LHFPL6: variants seen among roughly 807,000 people sequenced by gnomAD.
LHFPL6 encodes LHFPL tetraspan subfamily member 6 protein.
Under a neutral mutation model 20.6 loss-of-function variants are expected in LHFPL6, and 9 were observed. The ratio of observed to expected loss-of-function variants is 0.44; its 90% confidence interval spans 0.26 to 0.76. The LOEUF (loss-of-function observed/expected upper bound fraction) is 0.76. Among genes scored for constraint, LHFPL6 ranks in the 30% least tolerant of loss-of-function variants. The pLI is 0.20. For synonymous variants in LHFPL6, 105 were observed against 98.7 expected (o/e 1.06, Z -0.38); for missense variants, 218 against 253.5 (o/e 0.86, Z 0.95).
intron 3 of LHFPL6, among the ~76,000 whole-genome samples, chr13:39,366,471 C>T (rs1015614688): frequency 6.6e-6 from 1 of 152,160 alleles, no homozygotes; most frequent in African/African-American, 2.4e-5. Flanking sequence ...CCGGAATATG[C>T]ACTCGAGTTG....
chr13:39,456,483 T>C (rs942837070), intron 2 of LHFPL6, among the ~76,000 whole-genome samples: 2 of 152,208 alleles, frequency 1.3e-5, no homozygotes, highest in Admixed American at 1.3e-4. Context: ...TATTAATATA[T>C]TGAATACAAC....
chr13:39,528,826 G>A (rs1249964630), intron 2 of LHFPL6, among the ~76,000 whole-genome samples: 1 of 152,040 alleles, frequency 6.6e-6, no homozygotes, highest in East Asian at 1.9e-4. Context: ...TTCCCCTCTG[G>A]CAGGAAAAAT....
At chr13:39,489,123 C>T (rs1034197218) in intron 2 of LHFPL6, among the ~76,000 whole-genome samples, 3 of 152,198 alleles carry the variant, frequency 2.0e-5, no homozygotes, top group African/African-American at 4.8e-5. Flanking sequence ...TTCTTTGACA[C>T]ACAGTTTTGT....
intron 3 of LHFPL6, among the ~76,000 whole-genome samples, chr13:39,363,219 T>C (rs1306458915): frequency 6.6e-6 from 1 of 152,120 alleles, no homozygotes; most frequent in African/African-American, 2.4e-5. Context: ...AGGCAGGGAT[T>C]AGAGGAAAGG....
intron 2 of LHFPL6, among the ~76,000 whole-genome samples, chr13:39,599,634 C>A (rs1188366753): frequency 6.6e-6 from 1 of 152,246 alleles, no homozygotes; most frequent in Non-Finnish European, 1.5e-5. Context: ...AATTCTATCT[C>A]ACTTTAAAAC....
intron 2 of LHFPL6, among the ~76,000 whole-genome samples, chr13:39,392,305 G>A (rs558367081): frequency 6.6e-6 from 1 of 152,166 alleles, no homozygotes; most frequent in African/African-American, 2.4e-5. Context: ...TCCAAAATCG[G>A]TAAAAGTGGC....
intron 2 of LHFPL6, among the ~76,000 whole-genome samples, chr13:39,570,994 A>G (rs1054128384): frequency 6.6e-6 from 1 of 152,192 alleles, no homozygotes; most frequent in African/African-American, 2.4e-5. Context: ...TCTAACCACT[A>G]CTAGATTGAA....
chr13:39,343,498 T>C lies in LHFPL6; in HGVS notation c.*438A>G, dbSNP rs374374334. On this transcript the variant is annotated 3_prime_UTR_variant, in exon 4 of 4. Transcript: ENST00000379589. Reference sequence around the variant, plus strand: ...ACAGGGAACATCTTTGGGGGTACCCTGCTTCCCAACATAACACTGTTTCTA... The same window carrying C: ...ACAGGGAACATCTTTGGGGGTACCCCGCTTCCCAACATAACACTGTTTCTA... 4.9e-4 allele frequency: 114 copies of C among 232,848 alleles called. No individual in the cohort carries two copies. Among genetic ancestry groups the C allele is most frequent in the African/African-American group, 2.4e-3 (111 of 45,344 alleles). The allele number at this position is 232,848 out of a possible 1,614,324, so 14.4% of individuals were successfully genotyped here.
intron 2 of LHFPL6, among the ~76,000 whole-genome samples, chr13:39,586,171 G>GTA (rs57237715): frequency 9.1e-4 from 138 of 151,060 alleles, no homozygotes; most frequent in African/African-American, 2.7e-3. Context: ...ATTATTGTGT[G>GTA]TATATATATA....
intron 2 of LHFPL6, among the ~76,000 whole-genome samples, chr13:39,472,532 G>C (rs778508167): frequency 1.1e-4 from 16 of 152,146 alleles, no homozygotes; most frequent in Middle Eastern, 3.4e-3. Flanking sequence ...AATATGCCCG[G>C]GTTCAGCTGT....
At position 39,360,529 on chromosome 13, in the gene LHFPL6, C is replaced by G. The variant is rs1235500176; in HGVS notation, c.485-16475G>C. ...ATGTGTATTGGCAAAGAGCTCATAACAGAACAGTGCTATGTCTAAGGAGAT... is the reference window on the plus strand; with the variant it reads ...ATGTGTATTGGCAAAGAGCTCATAAGAGAACAGTGCTATGTCTAAGGAGAT... On this transcript the variant is annotated intron_variant, in intron 3 of 3. Coordinates refer to ENST00000379589, the MANE Select transcript of LHFPL6 (RefSeq NM_005780.3). Among the ~76,000 whole-genome samples, 2 of 97,172 alleles carry G rather than the reference C, an allele frequency of 2.1e-5. 1 individual carries two copies. Among genetic ancestry groups the G allele is most frequent in the Non-Finnish European group, 4.9e-5 (2 of 41,230 alleles). 63.7% of individuals were successfully genotyped at this position (97,172 alleles called of 152,430 possible).
chr13:39,513,410 T>C (rs576000082), intron 2 of LHFPL6, among the ~76,000 whole-genome samples: 7 of 152,344 alleles, frequency 4.6e-5, no homozygotes, highest in East Asian at 1.9e-4. Flanking sequence ...TTTGGCTTCT[T>C]TTCCTATCCT....
rs1872525081 is a variant in LHFPL6 at position 39,454,621 on chromosome 13, T to G, written c.386-76095A>C. ...TCCAGCCTGGGCGACAGAGCGAGAC[T>G]CCGTCTCAAAAAAAAAAAAAAAAAA... is the stretch of plus-strand genomic sequence containing the variant. On this transcript the variant is annotated intron_variant, in intron 2 of 3. Coordinates refer to ENST00000379589, the MANE Select transcript of LHFPL6 (RefSeq NM_005780.3). 1.7e-5 allele frequency among the ~76,000 whole-genome samples: 2 copies of G among 118,534 alleles called. 1 individual carries two copies. Among genetic ancestry groups the G allele is most frequent in the South Asian group, 5.8e-4 (2 of 3,466 alleles). 77.8% of individuals were successfully genotyped at this position (118,534 alleles called of 152,430 possible).
At chr13:39,429,606 T>C (rs956990152) in intron 2 of LHFPL6, among the ~76,000 whole-genome samples, 8 of 152,356 alleles carry the variant, frequency 5.3e-5, no homozygotes, top group Middle Eastern at 3.4e-3. Context: ...ATATTGATTT[T>C]TCAATATCAA....
intron 1 of LHFPL6, among the ~76,000 whole-genome samples, chr13:39,602,073 C>T (rs563540002): frequency 6.6e-6 from 1 of 152,164 alleles, no homozygotes; most frequent in Admixed American, 6.5e-5. Context: ...TCCAACAGTT[C>T]TATTGCAATC....
chr13:39,550,765 A>C (rs1871126617), intron 2 of LHFPL6, among the ~76,000 whole-genome samples: 1 of 152,176 alleles, frequency 6.6e-6, no homozygotes. Flanking sequence ...TTAAGTTAAC[A>C]ATGGGCTTTA....
intron 2 of LHFPL6, among the ~76,000 whole-genome samples, chr13:39,536,421 C>T (rs79318269): frequency 0.02 from 3,048 of 152,256 alleles, 37 homozygotes; most frequent in Non-Finnish European, 0.033. Context: ...CTACCAAAGC[C>T]GTGCCTCTTC....
chr13:39,468,270 T>G (rs1375876583), intron 2 of LHFPL6, among the ~76,000 whole-genome samples: 4 of 152,238 alleles, frequency 2.6e-5, no homozygotes, highest in Non-Finnish European at 5.9e-5. Flanking sequence ...TCATTACTTC[T>G]TTATTCTTAC....
At chr13:39,429,725 T>C (rs1038295622) in intron 2 of LHFPL6, among the ~76,000 whole-genome samples, 4 of 152,196 alleles carry the variant, frequency 2.6e-5, no homozygotes, top group Non-Finnish European at 5.9e-5. Flanking sequence ...CCAAATCCTC[T>C]TCTCCCATTC....
Sources: gnomAD v4.1 joint callset for allele counts (sites outside exome capture counted in the v4.1 genomes callset) on GRCh38, gnomAD v4.1.1 for gene constraint, MANE v1.5 for transcripts, NCBI Gene and HGNC (gene_info 2026-07-23, HGNC 2026-07-21) for gene names.